The following B3GALNT2 variants were observed in gnomAD, a reference collection of about 807,000 sequenced individuals.
B3GALNT2 encodes UDP-GalNAc:beta-1,3-N-acetylgalactosaminyltransferase 2.
A neutral mutation model predicts 61.1 loss-of-function variants in B3GALNT2; 53 were observed. The observed-to-expected ratio is 0.87, with a 90% CI of 0.70 to 1.09. The LOEUF (loss-of-function observed/expected upper bound fraction) is 1.09. Among genes scored for constraint, B3GALNT2 ranks in the 50% least tolerant of loss-of-function variants. The pLI is 0.00. For synonymous variants in B3GALNT2, 223 were observed against 237.4 expected, an observed-to-expected ratio of 0.94 and a Z score of 0.56; for missense variants, 544 against 623.0, an observed-to-expected ratio of 0.87 and a Z score of 1.35.
intron 7 of B3GALNT2, among the ~76,000 whole-genome samples, chr1:235,459,733 G>A (rs1450198695): frequency 2.0e-5 from 3 of 152,162 alleles, no homozygotes; most frequent in African/African-American, 4.8e-5. Context: ...TGAGGAGAGG[G>A]AAGAGGAATA....
At chr1:235,503,308 A>C (rs1033258939) in intron 1 of B3GALNT2, among the ~76,000 whole-genome samples, 20 of 152,248 alleles carry the variant, frequency 1.3e-4, no homozygotes, top group Non-Finnish European at 2.5e-4. Context: ...TTAAAGAAGA[A>C]GACAAGAGAT....
At chr1:235,494,614 G>A (rs987204219) in intron 2 of B3GALNT2, 67 bp downstream of exon 2, 35 of 1,507,936 alleles carry the variant, frequency 2.3e-5, no homozygotes, top group South Asian at 2.4e-5. Flanking sequence ...ACACCACCAC[G>A]CCTGGCTAGG....
rs1260760662 is a variant in B3GALNT2 at position 235,454,229 on chromosome 1, C to A, written c.1238G>T (p.Gly413Val). The change falls in exon 10 of 12, where the codon GGG becomes GTG. Residue 413 changes from glycine to valine, a missense_variant. Gly to Val is a moderately radical substitution (Grantham distance 109). Coordinates refer to ENST00000366600, the MANE Select transcript of B3GALNT2 (RefSeq NM_152490.5). ...PSPAYPAFAC[G>V]SGYVISKDIV... is the part of the protein sequence containing the mutation. ...GTCCTTGGAGATCACATATCCTGAC[C>A]CACATGCAAAGGCAGGGTAAGCGGG... 1 of 1,613,534 alleles carries A rather than the reference C, an allele frequency of 6.2e-7. No individual in the cohort carries two copies. The highest frequency in any genetic ancestry group is 2.2e-5 in the East Asian group (1 of 44,862).
At chr1:235,475,243 C>T (rs547940046) in intron 5 of B3GALNT2, among the ~76,000 whole-genome samples, 8 of 151,548 alleles carry the variant, frequency 5.3e-5, no homozygotes, top group Non-Finnish European at 7.4e-5. Flanking sequence ...ATGATCCACC[C>T]GCCTCGGCCT....
chr1:235,455,695 A>T lies in B3GALNT2; in HGVS notation c.1026-11T>A. 6.2e-7 allele frequency: 1 copy of T among 1,604,604 alleles called. No homozygotes were observed. The highest frequency in any genetic ancestry group is 8.5e-7 in the Non-Finnish European group (1 of 1,172,114). On this transcript the variant is annotated splice_polypyrimidine_tract_variant and intron_variant, in intron 8 of 11. Coordinates refer to ENST00000366600, the MANE Select transcript of B3GALNT2 (RefSeq NM_152490.5). ...GTTGTTTCCACAGTCCTGTTGACAC[A>T]AAAGGGATAAGAAAGTCAGTGCGAC... is the stretch of plus-strand genomic sequence containing the variant.
intron 1 of B3GALNT2, among the ~76,000 whole-genome samples, chr1:235,501,924 A>G (rs992489669): frequency 6.6e-6 from 1 of 152,236 alleles, no homozygotes; most frequent in African/African-American, 2.4e-5. Context: ...AATTATGGGA[A>G]ATTTTAGCAT....
At chr1:235,442,996 T>C (rs1403716238), downstream of B3GALNT2, 25 of 1,322,618 alleles carry the variant, frequency 1.9e-5, no homozygotes, top group African/African-American at 2.9e-5. Context: ...CTTTAACTCA[T>C]GTCTCAAAGT....
chr1:235,481,760 T>C (rs1167146353), intron 4 of B3GALNT2, among the ~76,000 whole-genome samples: 8 of 152,248 alleles, frequency 5.3e-5, no homozygotes. Flanking sequence ...TTCAATTACC[T>C]ATTTGATCTT....
intron 11 of B3GALNT2, 55 bp downstream of exon 11, chr1:235,453,035 T>A: frequency 6.8e-7 from 1 of 1,467,308 alleles, no homozygotes; most frequent in Non-Finnish European, 9.5e-7. Flanking sequence ...AACCTGTATA[T>A]AGAAATCCAC....
chr1:235,501,327 TA>T (rs1237805472), intron 1 of B3GALNT2, among the ~76,000 whole-genome samples: 1 of 152,136 alleles, frequency 6.6e-6, no homozygotes, highest in East Asian at 1.9e-4. Flanking sequence ...CCTATCACAT[TA>T]AAAAAGTTGC....
At position 235,448,611 on chromosome 1, in the gene B3GALNT2, A is replaced by C; in HGVS notation, c.*1595T>G. ...GACGGGGTGGGGGAAGAGTATGTGT[A>C]GCATGCTTTATCGGATCTGTCTTAA... On this transcript the variant is annotated 3_prime_UTR_variant, in exon 12 of 12. Coordinates refer to ENST00000366600, the MANE Select transcript of B3GALNT2 (RefSeq NM_152490.5). 3 of 1,442,358 alleles carry C rather than the reference A, an allele frequency of 2.1e-6. No homozygotes were observed. The highest frequency in any genetic ancestry group is 1.7e-5 in the Admixed American group (1 of 59,790). The allele number at this position is 1,442,358 out of a possible 1,614,324, so 89.3% of individuals were successfully genotyped here.
intron 1 of B3GALNT2, among the ~76,000 whole-genome samples, chr1:235,500,353 T>C (rs291343): frequency 0.45 from 68,351 of 151,894 alleles, 16,026 homozygotes; most frequent in Non-Finnish European, 0.5. Flanking sequence ...ATTAGCTGGG[T>C]GTGGTGGCAC....
chr1:235,456,983 T>C (rs953533197), intron 8 of B3GALNT2, among the ~76,000 whole-genome samples: 1 of 152,184 alleles, frequency 6.6e-6, no homozygotes. Flanking sequence ...CTCTGCTCTC[T>C]ACTCACAGGA....
chr1:235,470,933 T>G lies in B3GALNT2; in HGVS notation c.679A>C (p.Ser227Arg). ...GACACAAGGCCGTGGAGGTCTTGGC[T>G]CTCCCACACGATTGTACCTTCAAAG... is the stretch of plus-strand genomic sequence containing the variant. ...ESFEGTIVWE[S>R]QDLHGLVSRN... Residue 227 changes from serine (S) to arginine (R), a missense_variant, in exon 6 of 12, where the codon AGC becomes CGC. Ser to Arg is a moderately radical substitution (Grantham distance 110). Transcript: ENST00000366600. The G allele has an allele frequency of 6.2e-7, 1 of 1,613,992 alleles. No homozygotes were observed.
chr1:235,450,376 T>C (rs903622118), intron 11 of B3GALNT2, 36 bp from the exon 12 acceptor site: 5 of 1,608,626 alleles, frequency 3.1e-6, no homozygotes, highest in Non-Finnish European at 3.4e-6. Context: ...CTGAGAGTGG[T>C]GAAACTGTTT....
chr1:235,503,354 ACCCACTAAC>A (rs1344067821), intron 1 of B3GALNT2, among the ~76,000 whole-genome samples: 1 of 152,274 alleles, frequency 6.6e-6, no homozygotes, highest in Non-Finnish European at 1.5e-5. Context: ...GGGTGGTGGA[ACCCACTAAC>A]AAAACAATCC....
chr1:235,503,811 C>T (rs1685695142), intron 1 of B3GALNT2, among the ~76,000 whole-genome samples: 1 of 152,196 alleles, frequency 6.6e-6, no homozygotes, highest in Non-Finnish European at 1.5e-5. Context: ...GAAGGGCACA[C>T]GAGGTTCCGC....
chr1:235,454,980 C>T (rs1683096195), intron 9 of B3GALNT2, among the ~76,000 whole-genome samples: 1 of 152,120 alleles, frequency 6.6e-6, no homozygotes, highest in South Asian at 2.1e-4. Flanking sequence ...CGTACTCTAA[C>T]AAAATATACA....
chr1:235,504,043 TCCC>T, intron 1 of B3GALNT2, 95 bp downstream of exon 1: 1 of 1,173,278 alleles, frequency 8.5e-7, no homozygotes, highest in Non-Finnish European at 1.1e-6. Flanking sequence ...GTTTGGCCCT[TCCC>T]CCGCCTCCAA....
Sources: gnomAD v4.1 joint callset for allele counts (sites outside exome capture counted in the v4.1 genomes callset) on GRCh38, gnomAD v4.1.1 for gene constraint, MANE v1.5 for transcripts, NCBI Gene and HGNC (gene_info 2026-07-23, HGNC 2026-07-21) for gene names.